Variants in SEPTIN6 observed in about 807,000 individuals in gnomAD.
SEPTIN6 encodes septin-6.
Under a neutral mutation model 33.6 loss-of-function variants are expected in SEPTIN6, and 8 were observed. That is an observed-to-expected ratio of 0.24 (90% CI 0.14 to 0.43). The LOEUF is 0.43. SEPTIN6 is among the 20% of genes least tolerant of loss of function. The probability of loss-of-function intolerance (pLI) is 1.00; values close to 1 mark genes in which losing one functional copy is unlikely to be tolerated. For missense variants in SEPTIN6, 250 were observed against 340.8 expected (o/e 0.73, Z 2.10); for synonymous variants, 131 against 140.0 (o/e 0.94, Z 0.45).
In SEPTIN6 at chrX:119,617,792, A is replaced by T; in HGVS notation, c.*2301T>A. On this transcript the variant is annotated 3_prime_UTR_variant, in exon 11 of 11. Coordinates refer to ENST00000394610, the MANE Select transcript of SEPTIN6 (RefSeq NM_145799.4). ...TCTGGGCCTTCATTTCCCCTTACGG[A>T]GTAAGTAGGTTATATCGTCTTACTG... is the stretch of plus-strand genomic sequence containing the variant. 2.5e-6 allele frequency: 2 copies of T among 788,380 alleles called. No individual in the cohort carries two copies. The highest frequency in any genetic ancestry group is 3.1e-6 in the Non-Finnish European group (2 of 654,893). 65.0% of individuals were successfully genotyped at this position (788,380 alleles called of 1,213,427 possible). A position where few individuals can be genotyped will look rare whatever the true frequency, so the allele number is the denominator to read the frequency against.
At chrX:119,670,606 G>A (rs180797018) in intron 2 of SEPTIN6, among the ~76,000 whole-genome samples, 10 of 104,227 alleles carry the variant, frequency 9.6e-5, no homozygotes, top group South Asian at 4.5e-4. Flanking sequence ...TGCAGGTGCC[G>A]TTTATTGGTA....
At chrX:119,632,711 T>A (rs1289810350) in intron 8 of SEPTIN6, among the ~76,000 whole-genome samples, 1 of 110,776 alleles carries the variant, frequency 9.0e-6, no homozygotes, top group East Asian at 2.8e-4. Context: ...CACTGTAACC[T>A]CCACTTCCCA....
At chrX:119,658,779 C>T (rs1226276045) in intron 3 of SEPTIN6, among the ~76,000 whole-genome samples, 1 of 112,103 alleles carries the variant, frequency 8.9e-6, no homozygotes, top group Non-Finnish European at 1.9e-5. Flanking sequence ...AGTTGAATGA[C>T]CATCATTTCA....
chrX:119,679,385 G>T (rs142931581), intron 1 of SEPTIN6, among the ~76,000 whole-genome samples: 74 of 111,895 alleles, frequency 6.6e-4, no homozygotes, highest in African/African-American at 2.2e-3. Context: ...CAGCTGCAGG[G>T]TGTTTGCTTG....
chrX:119,644,829 C>T (rs1393914737), intron 5 of SEPTIN6, among the ~76,000 whole-genome samples: 3 of 108,598 alleles, frequency 2.8e-5, no homozygotes, highest in Non-Finnish European at 5.7e-5. Context: ...GCAGCCTGGC[C>T]GACAGAGCGA....
intron 1 of SEPTIN6, among the ~76,000 whole-genome samples, chrX:119,677,506 A>G (rs1361686077): frequency 1.8e-5 from 2 of 112,406 alleles, no homozygotes; most frequent in African/African-American, 3.2e-5. Context: ...CAAGCTTTCC[A>G]TAACTAGAAA....
At position 119,636,931 on chromosome X, in the gene SEPTIN6, G is replaced by C. The variant is rs1056906587; in HGVS notation, c.956+96C>G. The stretch of plus-strand genomic sequence containing the variant: ...CTTGAGGTCTTAGCACCCGTGTCTC[G>C]CCTCCCCTGTGAATTCTCCAGGGGA... On this transcript the variant is annotated intron_variant, in intron 7 of 10. Coordinates refer to ENST00000394610, the MANE Select transcript of SEPTIN6 (RefSeq NM_145799.4). The C allele has an allele frequency of 5.7e-5, 58 of 1,018,731 alleles. No individual in the cohort carries two copies. The Admixed American group carries it at 5.9e-4, about 10-fold the overall frequency. 84.0% of individuals were successfully genotyped at this position (1,018,731 alleles called of 1,213,427 possible). A position where few individuals can be genotyped will look rare whatever the true frequency, so the allele number is the denominator to read the frequency against.
chrX:119,655,805 T>C (rs1442645961), intron 3 of SEPTIN6, among the ~76,000 whole-genome samples: 2 of 112,147 alleles, frequency 1.8e-5, no homozygotes, highest in Admixed American at 9.5e-5. Flanking sequence ...TGAACTTAGA[T>C]AGGAAAAAAA....
chrX:119,677,599 C>T (rs2054862088), intron 1 of SEPTIN6, among the ~76,000 whole-genome samples: 1 of 112,757 alleles, frequency 8.9e-6, no homozygotes, highest in Middle Eastern at 4.2e-3. Flanking sequence ...GCAGGCAGCT[C>T]TTCTGTTGGG....
intron 10 of SEPTIN6, among the ~76,000 whole-genome samples, chrX:119,621,411 T>C (rs761555223): frequency 9.4e-6 from 1 of 105,836 alleles, no homozygotes; most frequent in South Asian, 4.3e-4. Flanking sequence ...CAGACTTGCC[T>C]GTGGCTGCAA....
At chrX:119,640,639 G>C in intron 6 of SEPTIN6, 53 bp downstream of exon 6, 4 of 976,352 alleles carry the variant, frequency 4.1e-6, no homozygotes, top group Non-Finnish European at 5.8e-6. Flanking sequence ...GACAAACAAA[G>C]AGACAGACAA....
chrX:119,616,880 G>C (rs937208477), downstream of SEPTIN6: 17 of 1,086,827 alleles, frequency 1.6e-5, no homozygotes, highest in African/African-American at 3.0e-4. Context: ...TAGAAATGGG[G>C]GTCATTGCTG....
chrX:119,661,886 C>T (rs767723295), intron 3 of SEPTIN6, among the ~76,000 whole-genome samples: 5 of 112,162 alleles, frequency 4.5e-5, no homozygotes, highest in Non-Finnish European at 9.4e-5. Flanking sequence ...TACAGGCACC[C>T]GCCATCACAC....
chrX:119,634,667 C>A (rs2054025585), intron 7 of SEPTIN6, among the ~76,000 whole-genome samples: 2 of 111,153 alleles, frequency 1.8e-5, no homozygotes, highest in African/African-American at 6.5e-5. Context: ...AGGACCATTC[C>A]GGCTGTGCTG....
chrX:119,685,963 G>A (rs1265116792), intron 1 of SEPTIN6, among the ~76,000 whole-genome samples: 3 of 111,456 alleles, frequency 2.7e-5, no homozygotes, highest in Non-Finnish European at 3.8e-5. Context: ...AGAACCCCAA[G>A]ACTAACACAA....
rs183624086 is a variant in SEPTIN6, at chrX:119,664,625, C to A, written c.146-948G>T. On this transcript the variant is annotated intron_variant, in intron 2 of 10. Coordinates refer to ENST00000394610, the MANE Select transcript of SEPTIN6 (RefSeq NM_145799.4). Reference sequence around the variant, plus strand: ...GGCAGATCACTTGAGGTCAGGCATTCGAGACCAGCCTGGCCAACATTGTGA... The same window carrying A: ...GGCAGATCACTTGAGGTCAGGCATTAGAGACCAGCCTGGCCAACATTGTGA... 6.7e-3 allele frequency among the ~76,000 whole-genome samples: 729 copies of A among 109,007 alleles called. 2 individuals carry two copies. Among genetic ancestry groups the A allele is most frequent in the Non-Finnish European group, 9.8e-3 (512 of 52,475 alleles). 94.7% of individuals were successfully genotyped at this position (109,007 alleles called of 115,157 possible). A position where few individuals can be genotyped will look rare whatever the true frequency, so the allele number is the denominator to read the frequency against.
At chrX:119,661,515 G>A (rs968347690) in intron 3 of SEPTIN6, among the ~76,000 whole-genome samples, 5 of 112,125 alleles carry the variant, frequency 4.5e-5, no homozygotes, top group Admixed American at 9.5e-5. Flanking sequence ...CTTTAAGGGG[G>A]AAATAAAAGA....
At chrX:119,655,192 T>C (rs1330536126) in intron 3 of SEPTIN6, among the ~76,000 whole-genome samples, 1 of 110,985 alleles carries the variant, frequency 9.0e-6, no homozygotes, top group East Asian at 2.8e-4. Flanking sequence ...TCTCAAGATG[T>C]ACATGGATCA....
intron 5 of SEPTIN6, among the ~76,000 whole-genome samples, chrX:119,644,778 G>A (rs758027363): frequency 6.4e-5 from 7 of 109,457 alleles, no homozygotes; most frequent in African/African-American, 1.3e-4. Context: ...CCTGGGAGGC[G>A]GAGGTTGTGG....
Sources: gnomAD v4.1 joint callset for allele counts (sites outside exome capture counted in the v4.1 genomes callset) on GRCh38, gnomAD v4.1.1 for gene constraint, MANE v1.5 for transcripts, NCBI Gene and HGNC (gene_info 2026-07-23, HGNC 2026-07-21) for gene names.